Variants in CAB39L observed in about 807,000 individuals in gnomAD.
CAB39L encodes calcium-binding protein 39-like.
Under a neutral mutation model 39.1 loss-of-function variants are expected in CAB39L, and 23 were observed. The observed-to-expected ratio is 0.59, with a 90% CI of 0.42 to 0.83. CAB39L has a LOEUF of 0.83. Among genes scored for constraint, CAB39L ranks in the 40% least tolerant of loss-of-function variants. CAB39L has a pLI of 0.00. For missense variants in CAB39L, 366 were observed against 391.9 expected (o/e 0.93, Z 0.56); for synonymous variants, 126 against 137.2 (o/e 0.92, Z 0.57).
chr13:49,430,522 TCTC>T (rs1482020450), intron 3 of CAB39L, among the ~76,000 whole-genome samples: 1 of 152,236 alleles, frequency 6.6e-6, no homozygotes, highest in Non-Finnish European at 1.5e-5. Context: ...ACTGGGTTTT[TCTC>T]CTTTTTCAAT....
At chr13:49,344,109 C>A in intron 8 of CAB39L, 70 bp downstream of exon 8, 1 of 872,142 alleles carries the variant, frequency 1.1e-6, no homozygotes, top group South Asian at 1.4e-5. Context: ...TTCACAGGGG[C>A]AATTGCTCAT....
intron 3 of CAB39L, among the ~76,000 whole-genome samples, chr13:49,429,055 CAG>C (rs1302948952): frequency 2.0e-5 from 3 of 151,930 alleles, no homozygotes; most frequent in African/African-American, 7.3e-5. Flanking sequence ...TTATAATATC[CAG>C]ACTGTTCATA....
At chr13:49,361,384 A>G (rs571410216) in intron 5 of CAB39L, among the ~76,000 whole-genome samples, 1 of 148,580 alleles carries the variant, frequency 6.7e-6, no homozygotes, top group African/African-American at 2.5e-5. Flanking sequence ...AGGCTGAGGT[A>G]GAAGAATTGC....
intron 5 of CAB39L, among the ~76,000 whole-genome samples, chr13:49,362,320 T>C (rs1411722573): frequency 6.6e-6 from 1 of 152,076 alleles, no homozygotes; most frequent in Non-Finnish European, 1.5e-5. Flanking sequence ...TCAAAATCAC[T>C]ATTTTGAGGA....
intron 8 of CAB39L, 35 bp downstream of exon 8, chr13:49,344,144 A>C (rs758132971): frequency 7.9e-7 from 1 of 1,270,942 alleles, no homozygotes; most frequent in Non-Finnish European, 1.2e-6. Flanking sequence ...GGGAGAGAGA[A>C]AGTGGGAAAG....
chr13:49,430,241 CT>C (rs1957300487), intron 3 of CAB39L, among the ~76,000 whole-genome samples: 1 of 152,110 alleles, frequency 6.6e-6, no homozygotes, highest in South Asian at 2.1e-4. Context: ...CTGCTAACTG[CT>C]ATAGATAGTT....
At chr13:49,411,423 A>AG (rs1379637281) in intron 3 of CAB39L, among the ~76,000 whole-genome samples, 5 of 151,454 alleles carry the variant, frequency 3.3e-5, no homozygotes, top group South Asian at 2.1e-4. Context: ...AAAAAAAAAA[A>AG]AAAAGAAAAT....
At chr13:49,335,048 C>T (rs1954813141) in intron 9 of CAB39L, among the ~76,000 whole-genome samples, 1 of 152,110 alleles carries the variant, frequency 6.6e-6, no homozygotes, top group African/African-American at 2.4e-5. Flanking sequence ...TATTATCTTC[C>T]TAGATGCTTA....
rs149385850 is a variant in CAB39L at position 49,416,650 on chromosome 13, A to C, written c.-32+16668T>G. Among the ~76,000 whole-genome samples the C allele has an allele frequency of 2.0e-5, 3 of 152,332 alleles. No individual in the cohort carries two copies. In the East Asian group the frequency reaches 5.8e-4, roughly 29 times the overall value. ...ACTTCACGTACTGCCTCTGCAACTT[A>C]CAAGGTGCCTGGACAAATTACTTAA... is the stretch of plus-strand genomic sequence containing the variant. On this transcript the variant is annotated intron_variant, in intron 3 of 10. Coordinates refer to ENST00000409308, the MANE Select transcript of CAB39L (RefSeq NM_001079670.3).
At chr13:49,336,487 C>T (rs1213189872) in intron 9 of CAB39L, among the ~76,000 whole-genome samples, 1 of 152,160 alleles carries the variant, frequency 6.6e-6, no homozygotes, top group Non-Finnish European at 1.5e-5. Flanking sequence ...AGGAAAGATG[C>T]CTCGTGAATA....
intron 2 of CAB39L, 111 bp downstream of exon 2, chr13:49,433,975 C>T (rs1018760601): frequency 2.0e-5 from 7 of 341,834 alleles, no homozygotes; most frequent in Non-Finnish European, 4.0e-5. Context: ...ACTTTTAGTT[C>T]GCACCTTTAC....
At chr13:49,406,333 A>AATTTTT (rs1555264228) in intron 3 of CAB39L, among the ~76,000 whole-genome samples, 2 of 90,632 alleles carry the variant, frequency 2.2e-5, no homozygotes, top group Non-Finnish European at 2.2e-5. Flanking sequence ...ATGCCCAGCT[A>AATTTTT]TTTTTTTTTT....
chr13:49,375,345 C>T (rs2138559359), intron 5 of CAB39L, among the ~76,000 whole-genome samples: 1 of 152,132 alleles, frequency 6.6e-6, no homozygotes, highest in East Asian at 1.9e-4. Flanking sequence ...TTTCACTATG[C>T]CACAGCTTCT....
chr13:49,370,203 T>C (rs183315929), intron 5 of CAB39L, among the ~76,000 whole-genome samples: 3 of 152,224 alleles, frequency 2.0e-5, no homozygotes, highest in Admixed American at 6.5e-5. Flanking sequence ...AATTTATAGA[T>C]ATTGGGAAAG....
intron 3 of CAB39L, among the ~76,000 whole-genome samples, chr13:49,415,307 G>A (rs1353764031): frequency 6.6e-6 from 1 of 151,826 alleles, no homozygotes; most frequent in East Asian, 1.9e-4. Flanking sequence ...ATGAGGTCAA[G>A]AGTTCAAGAC....
At chr13:49,411,079 A>T (rs946200448) in intron 3 of CAB39L, among the ~76,000 whole-genome samples, 1 of 152,172 alleles carries the variant, frequency 6.6e-6, no homozygotes, top group Non-Finnish European at 1.5e-5. Context: ...AATGTCCATT[A>T]AAAAAGTATT....
intron 3 of CAB39L, 38 bp from the exon 4 acceptor site, chr13:49,382,979 C>T: frequency 1.2e-6 from 1 of 835,766 alleles, no homozygotes; most frequent in South Asian, 1.6e-5. Flanking sequence ...ATAACTTTAA[C>T]TCTTAATATG....
At chr13:49,378,536 TG>T (rs745729218) in intron 4 of CAB39L, among the ~76,000 whole-genome samples, 3 of 28,732 alleles carry the variant, frequency 1.0e-4, no homozygotes, top group East Asian at 6.2e-4. Flanking sequence ...GGGAGGGAGA[TG>T]GGGGGGTCAG....
intron 3 of CAB39L, among the ~76,000 whole-genome samples, chr13:49,429,791 G>T (rs1566137668): frequency 6.6e-6 from 1 of 152,148 alleles, no homozygotes. Context: ...TTGATTACTT[G>T]TGGGATTGAA....
Sources: gnomAD v4.1 joint callset for allele counts (sites outside exome capture counted in the v4.1 genomes callset) on GRCh38, gnomAD v4.1.1 for gene constraint, MANE v1.5 for transcripts, NCBI Gene and HGNC (gene_info 2026-07-23, HGNC 2026-07-21) for gene names.